Variants in PALM2AKAP2 observed in about 807,000 individuals in gnomAD.
The protein encoded by PALM2AKAP2 is PALM2 and AKAP2 fusion.
Under a neutral mutation model 71.5 loss-of-function variants are expected in PALM2AKAP2, and 37 were observed. The ratio of observed to expected loss-of-function variants is 0.52; its 90% CI spans 0.40 to 0.68. PALM2AKAP2 has a LOEUF of 0.68. PALM2AKAP2 is among the 30% of genes least tolerant of loss of function. The probability of loss-of-function intolerance (pLI) is 0.00; values close to 1 mark genes in which losing one functional copy is unlikely to be tolerated. For missense variants in PALM2AKAP2, 1,224 were observed against 1,191.8 expected, an observed-to-expected ratio of 1.03 and a Z score of -0.40; for synonymous variants, 468 against 478.8, an observed-to-expected ratio of 0.98 and a Z score of 0.29.
At chr9:109,977,000 C>T (rs1263950543) in intron 6 of PALM2AKAP2, among the ~76,000 whole-genome samples, 2 of 151,958 alleles carry the variant, frequency 1.3e-5, no homozygotes, top group South Asian at 2.1e-4. Flanking sequence ...TCAAACTTCA[C>T]AGTGCATCCA....
chr9:109,644,277 A>G (rs1324354560), intron 1 of PALM2AKAP2, among the ~76,000 whole-genome samples: 1 of 152,000 alleles, frequency 6.6e-6, no homozygotes, highest in Non-Finnish European at 1.5e-5. Flanking sequence ...CCCTTGTGCC[A>G]AATACTGCCC....
At chr9:109,699,934 C>A (rs1222675975) in intron 1 of PALM2AKAP2, among the ~76,000 whole-genome samples, 1 of 152,110 alleles carries the variant, frequency 6.6e-6, no homozygotes, top group East Asian at 1.9e-4. Context: ...TGCCGCCACA[C>A]CCGGCTAATT....
intron 1 of PALM2AKAP2, among the ~76,000 whole-genome samples, chr9:109,665,969 G>T (rs538383909): frequency 6.6e-6 from 1 of 152,368 alleles, no homozygotes; most frequent in East Asian, 1.9e-4. Flanking sequence ...AGTGAGCAAG[G>T]CTCCATGGGT....
chr9:109,841,337 A>T (rs545359954), intron 1 of PALM2AKAP2, among the ~76,000 whole-genome samples: 6 of 127,244 alleles, frequency 4.7e-5, no homozygotes, highest in South Asian at 3.0e-4. Flanking sequence ...GGACACAGGA[A>T]GGGGAACATC....
intron 1 of PALM2AKAP2, among the ~76,000 whole-genome samples, chr9:110,117,861 C>CTATATA (rs750243202): frequency 2.0e-5 from 2 of 99,142 alleles, no homozygotes; most frequent in South Asian, 7.7e-4. Flanking sequence ...CACAGATAAG[C>CTATATA]TATATATATA....
intron 1 of PALM2AKAP2, among the ~76,000 whole-genome samples, chr9:109,720,314 A>G (rs1042473750): frequency 1.5e-5 from 2 of 137,420 alleles, no homozygotes; most frequent in African/African-American, 5.1e-5. Flanking sequence ...TAGTTCTTGT[A>G]AAAAAAAAAT....
chr9:109,925,980 G>A (rs964213102), intron 5 of PALM2AKAP2, among the ~76,000 whole-genome samples: 9 of 152,176 alleles, frequency 5.9e-5, no homozygotes, highest in African/African-American at 2.2e-4. Context: ...ACTGATGTGG[G>A]AGGATCCCTT....
intron 1 of PALM2AKAP2, among the ~76,000 whole-genome samples, chr9:109,705,966 T>A (rs951297470): frequency 3.9e-5 from 6 of 152,072 alleles, no homozygotes; most frequent in Non-Finnish European, 7.4e-5. Context: ...CAAGTCCCAC[T>A]AAGGGAGGAG....
chr9:109,811,284 G>A lies in PALM2AKAP2; in HGVS notation c.45+30751G>A, dbSNP rs138934905. ...CTGAGTATGACAGAGAGAGAGGGGT[G>A]CAAGGGAATTGAGGGTGTGGACTGT... On this transcript the variant is annotated intron_variant, in intron 1 of 9. Coordinates refer to the PALM2AKAP2 transcript ENST00000302798. 7.0e-3 allele frequency among the ~76,000 whole-genome samples: 1,071 copies of A among 152,244 alleles called. 5 individuals carry two copies. The highest frequency in any genetic ancestry group is 0.012 in the Non-Finnish European group (788 of 68,008).
intron 1 of PALM2AKAP2, among the ~76,000 whole-genome samples, chr9:109,673,680 A>C (rs1401596215): frequency 2.0e-5 from 3 of 152,050 alleles, no homozygotes; most frequent in Non-Finnish European, 2.9e-5. Context: ...TGATCAGTCT[A>C]ATATTGTCAG....
At chr9:109,775,719 A>C, upstream of PALM2AKAP2, among the ~76,000 whole-genome samples, 1 of 152,234 alleles carries the variant, frequency 6.6e-6, no homozygotes, top group East Asian at 1.9e-4. Flanking sequence ...GCTCTTGCTC[A>C]ACAAGACTGA....
At chr9:110,002,982 C>G (rs1341231864) in intron 6 of PALM2AKAP2, among the ~76,000 whole-genome samples, 4 of 151,996 alleles carry the variant, frequency 2.6e-5, no homozygotes, top group East Asian at 1.9e-4. Flanking sequence ...CAAAAAACCA[C>G]CTCCCGGATT....
chr9:109,754,808 C>A (rs1204579365), intron 1 of PALM2AKAP2, among the ~76,000 whole-genome samples: 1 of 152,082 alleles, frequency 6.6e-6, no homozygotes, highest in Non-Finnish European at 1.5e-5. Flanking sequence ...CCCAATTACT[C>A]CCCGAAGGCC....
intron 2 of PALM2AKAP2, among the ~76,000 whole-genome samples, chr9:110,147,160 A>T (rs1208461333): frequency 6.6e-6 from 1 of 151,778 alleles, no homozygotes; most frequent in Non-Finnish European, 1.5e-5. Flanking sequence ...CTGAGGCAGG[A>T]GAATCGCCTG....
At chr9:110,150,139 C>T (rs536439583) in intron 2 of PALM2AKAP2, among the ~76,000 whole-genome samples, 1 of 152,348 alleles carries the variant, frequency 6.6e-6, no homozygotes, top group Non-Finnish European at 1.5e-5. Flanking sequence ...AGCTTCTCTC[C>T]CCACCATGTG....
chr9:109,711,087 G>C (rs533593197), intron 1 of PALM2AKAP2, among the ~76,000 whole-genome samples: 2 of 152,092 alleles, frequency 1.3e-5, no homozygotes, highest in African/African-American at 4.8e-5. Flanking sequence ...TGGAAAAAAG[G>C]TTCTTTATTC....
chr9:109,895,921 T>C (rs558076242), intron 3 of PALM2AKAP2, among the ~76,000 whole-genome samples: 98 of 152,254 alleles, frequency 6.4e-4, no homozygotes, highest in Non-Finnish European at 1.2e-3. Flanking sequence ...TTGTGATTCA[T>C]GCCTGTAATC....
intron 1 of PALM2AKAP2, among the ~76,000 whole-genome samples, chr9:109,833,320 A>G (rs61447981): frequency 6.6e-6 from 1 of 152,092 alleles, no homozygotes; most frequent in Non-Finnish European, 1.5e-5. Flanking sequence ...ACGCCACTGC[A>G]CTCCAGCCTG....
chr9:109,779,513 A>G (rs1043619244), upstream of PALM2AKAP2, among the ~76,000 whole-genome samples: 1 of 151,872 alleles, frequency 6.6e-6, no homozygotes, highest in African/African-American at 2.4e-5. Context: ...AATGACACCT[A>G]TGTGATCCTC....
Sources: gnomAD v4.1 joint callset for allele counts (sites outside exome capture counted in the v4.1 genomes callset) on GRCh38, gnomAD v4.1.1 for gene constraint, MANE v1.5 for transcripts, NCBI Gene and HGNC (gene_info 2026-07-23, HGNC 2026-07-21) for gene names.